The following EFHB variants were observed in gnomAD, a reference collection of about 807,000 sequenced individuals.
The protein encoded by EFHB is EF-hand domain-containing family member B.
A neutral mutation model predicts 87.2 loss-of-function variants in EFHB; 91 were observed. The ratio of observed to expected loss-of-function variants is 1.04; its 90% CI spans 0.88 to 1.24. The LOEUF is 1.24. EFHB is among the 50% of genes most tolerant of loss of function. The pLI is 0.00. For synonymous variants in EFHB, 325 were observed against 333.6 expected (o/e 0.97, Z 0.28); for missense variants, 1,084 against 998.8 (o/e 1.09, Z -1.15).
chr3:19,908,562 A>AAGAGAGAAAGAGAGAAAGAGAGAG (rs1559459432), intron 5 of EFHB, among the ~76,000 whole-genome samples: 1 of 83,818 alleles, frequency 1.2e-5, no homozygotes, highest in African/African-American at 4.9e-5. Context: ...GAAAGAGAGA[A>AAGAGAGAAAGAGAGAAAGAGAGAG]AGAGAGAGAG....
intron 1 of EFHB, among the ~76,000 whole-genome samples, chr3:19,921,662 C>T (rs1695441139): frequency 6.6e-6 from 1 of 152,034 alleles, no homozygotes; most frequent in African/African-American, 2.4e-5. Flanking sequence ...ATTCTACCCA[C>T]ACAATTACAT....
chr3:19,904,933 G>T (rs777169149), intron 6 of EFHB, among the ~76,000 whole-genome samples: 2 of 152,104 alleles, frequency 1.3e-5, no homozygotes, highest in Non-Finnish European at 2.9e-5. Context: ...AAGTTTATGT[G>T]TTGGCTCGGA....
At chr3:19,937,949 C>T (rs1356431990), upstream of EFHB, among the ~76,000 whole-genome samples, 1 of 152,190 alleles carries the variant, frequency 6.6e-6, no homozygotes, top group African/African-American at 2.4e-5. Flanking sequence ...AGTCCCTTGA[C>T]TCAACTCCTC....
chr3:19,880,846 G>A (rs73186657), intron 12 of EFHB, among the ~76,000 whole-genome samples: 5,569 of 151,598 alleles, frequency 0.037, 344 homozygotes, highest in African/African-American at 0.12. Context: ...TGGGAATAAA[G>A]TATGTGAAAA....
chr3:19,888,749 A>G, intron 9 of EFHB, 98 bp from the exon 10 acceptor site: 1 of 1,001,620 alleles, frequency 1.0e-6, no homozygotes, highest in Non-Finnish European at 1.5e-6. Flanking sequence ...TAGCTTCATC[A>G]CATAAATTCA....
chr3:19,910,709 G>C (rs1695023564), intron 5 of EFHB, among the ~76,000 whole-genome samples: 1 of 152,212 alleles, frequency 6.6e-6, no homozygotes. Context: ...GGCCACAGGG[G>C]TACTTGTGTC....
chr3:19,943,476 G>A (rs1696205479), intron 1 of EFHB, among the ~76,000 whole-genome samples: 1 of 151,924 alleles, frequency 6.6e-6, no homozygotes, highest in Non-Finnish European at 1.5e-5. Context: ...TCTACAAACA[G>A]GTATTGAGTC....
At chr3:19,888,118 G>A (rs1305380137) in intron 10 of EFHB, among the ~76,000 whole-genome samples, 1 of 152,018 alleles carries the variant, frequency 6.6e-6, no homozygotes, top group Non-Finnish European at 1.5e-5. Flanking sequence ...GATATTCCAT[G>A]CATAAACAAG....
intron 1 of EFHB, among the ~76,000 whole-genome samples, chr3:19,932,749 G>A (rs997163864): frequency 1.3e-5 from 2 of 152,212 alleles, no homozygotes; most frequent in African/African-American, 2.4e-5. Context: ...TTACTGGAGT[G>A]AGCCTAAACC....
intron 10 of EFHB, among the ~76,000 whole-genome samples, chr3:19,884,964 G>A (rs983413352): frequency 4.0e-5 from 6 of 151,358 alleles, no homozygotes; most frequent in African/African-American, 1.2e-4. Flanking sequence ...GCTCACGCCT[G>A]TAATCCCAGC....
At chr3:19,945,572 G>C (rs1696255788) in intron 1 of EFHB, among the ~76,000 whole-genome samples, 2 of 152,176 alleles carry the variant, frequency 1.3e-5, no homozygotes, top group South Asian at 4.1e-4. Flanking sequence ...TCTCTAAGCA[G>C]AAGCAGGTTT....
intron 3 of EFHB, among the ~76,000 whole-genome samples, chr3:19,918,914 A>T (rs1446327734): frequency 6.9e-6 from 1 of 144,054 alleles, no homozygotes; most frequent in Non-Finnish European, 1.5e-5. Context: ...CGGTAAGTGG[A>T]GGTTATAGTG....
upstream of EFHB, chr3:19,936,200 A>G (rs1375186265): frequency 1.9e-6 from 2 of 1,050,076 alleles, no homozygotes; most frequent in South Asian, 1.4e-5. Flanking sequence ...CAAGAATTCA[A>G]TTAGCCCAGC....
At chr3:19,908,950 G>A (rs776832933) in intron 5 of EFHB, among the ~76,000 whole-genome samples, 2 of 151,832 alleles carry the variant, frequency 1.3e-5, no homozygotes, top group Non-Finnish European at 1.5e-5. Flanking sequence ...TAGAAAAAAT[G>A]TTCAGAGAGA....
intron 9 of EFHB, chr3:19,894,502 T>C (rs1166252347): frequency 6.6e-6 from 1 of 152,170 alleles, no homozygotes; most frequent in Non-Finnish European, 1.5e-5. Context: ...ATTTAGAAAA[T>C]CATAGTTTAT....
intron 4 of EFHB, among the ~76,000 whole-genome samples, chr3:19,916,284 G>C (rs962667010): frequency 1.4e-4 from 21 of 152,264 alleles, no homozygotes; most frequent in Admixed American, 1.0e-3. Context: ...GGAGGCTGAG[G>C]TGGGTGGATC....
intron 5 of EFHB, among the ~76,000 whole-genome samples, chr3:19,906,998 T>G (rs1193813364): frequency 6.6e-6 from 1 of 151,196 alleles, no homozygotes; most frequent in Non-Finnish European, 1.5e-5. Context: ...CTGGGAAACC[T>G]GATTTCCACA....
chr3:19,880,233 T>TATTTATTC (rs2071639592), intron 12 of EFHB, among the ~76,000 whole-genome samples: 1 of 105,450 alleles, frequency 9.5e-6, no homozygotes, highest in Non-Finnish European at 1.9e-5. Flanking sequence ...TAGTTTCATT[T>TATTTATTC]ATTTATTTAT....
intron 1 of EFHB, 69 bp downstream of exon 1, chr3:19,933,161 A>C (rs1285938319): frequency 6.8e-7 from 1 of 1,464,090 alleles, no homozygotes; most frequent in Admixed American, 2.7e-5. Context: ...AAATTTTATC[A>C]CTTTATCATC....
Sources: gnomAD v4.1 joint callset for allele counts (sites outside exome capture counted in the v4.1 genomes callset) on GRCh38, gnomAD v4.1.1 for gene constraint, MANE v1.5 for transcripts, NCBI Gene and HGNC (gene_info 2026-07-23, HGNC 2026-07-21) for gene names.